The following LDAF1 variants were observed in gnomAD, a reference collection of about 807,000 sequenced individuals.
LDAF1 encodes the protein PROMETHIN.
A neutral mutation model predicts 13.5 loss-of-function variants in LDAF1; 7 were observed. That is an observed-to-expected ratio of 0.52 (90% confidence interval 0.29 to 0.97). The LOEUF is 0.97. LDAF1 is among the 50% of genes least tolerant of loss of function. The probability of loss-of-function intolerance (pLI) is 0.07; values close to 1 mark genes in which losing one functional copy is unlikely to be tolerated. For synonymous variants in LDAF1, 69 were observed against 77.1 expected (o/e 0.89, Z 0.55); for missense variants, 148 against 193.2 (o/e 0.77, Z 1.39).
intron 2 of LDAF1, among the ~76,000 whole-genome samples, chr16:21,163,543 G>T (rs2092996436): frequency 6.6e-6 from 1 of 152,164 alleles, no homozygotes. Context: ...CTCTTGGGAG[G>T]CTGAGGCACG....
chr16:21,168,878 TTTATA>T (rs1415299916), intron 2 of LDAF1, among the ~76,000 whole-genome samples: 1 of 135,620 alleles, frequency 7.4e-6, no homozygotes, highest in Non-Finnish European at 1.5e-5. Context: ...ATAATTATAA[TTTATA>T]TTATATATTT....
intron 2 of LDAF1, among the ~76,000 whole-genome samples, chr16:21,167,318 G>A (rs537806172): frequency 2.6e-4 from 40 of 152,382 alleles, no homozygotes; most frequent in African/African-American, 8.2e-4. Flanking sequence ...CTGCAAGGCC[G>A]TAGGGATGAG....
rs1555455876 is a variant in LDAF1, at chr16:21,172,468, A to AGAAAG, written c.266-1542_266-1541insGAAAG. ...TCTCAAAAAAAAGAAAAGAAAAGAA[A>AGAAAG]AAAGAAAGAAAGAAAGAAAAAAGTG... On this transcript the variant is annotated intron_variant, in intron 3 of 4. Transcript: ENST00000233047. Among the ~76,000 whole-genome samples, 6 of 152,028 alleles carry AGAAAG rather than the reference A, an allele frequency of 3.9e-5. No individual in the cohort carries two copies. In the South Asian group the frequency reaches 6.2e-4, roughly 16 times the overall value.
At chr16:21,165,577 C>G (rs2093016298) in intron 2 of LDAF1, 1 of 984,174 alleles carries the variant, frequency 1.0e-6, no homozygotes, top group Non-Finnish European at 1.2e-6. Flanking sequence ...TCTCTTCCCT[C>G]TCTGCCATCA....
chr16:21,163,675 C>T (rs568862908), intron 2 of LDAF1, among the ~76,000 whole-genome samples: 1 of 152,156 alleles, frequency 6.6e-6, no homozygotes, highest in African/African-American at 2.4e-5. Context: ...AAAAGCACTG[C>T]CAGTATTCAT....
chr16:21,172,176 A>G (rs1242552575), intron 3 of LDAF1, among the ~76,000 whole-genome samples: 3 of 150,784 alleles, frequency 2.0e-5, no homozygotes, highest in South Asian at 2.1e-4. Flanking sequence ...GGCCGGACAC[A>G]GTGGCTCATG....
chr16:21,173,250 A>G (rs2093106484), intron 3 of LDAF1: 1 of 152,230 alleles, frequency 6.6e-6, no homozygotes, highest in African/African-American at 2.4e-5. Flanking sequence ...CTTTATACCT[A>G]TAGCTTGTAG....
intron 2 of LDAF1, among the ~76,000 whole-genome samples, chr16:21,165,138 C>T (rs1198740748): frequency 6.6e-6 from 1 of 152,154 alleles, no homozygotes; most frequent in Non-Finnish European, 1.5e-5. Flanking sequence ...AAATGACTTT[C>T]TCTTTGATTA....
At position 21,180,227 on chromosome 16, in the gene LDAF1, C is replaced by CTTTTTTTTTTT. The variant is rs368048830; in HGVS notation, c.*683_*693dup. On this transcript the variant is annotated 3_prime_UTR_variant, in exon 5 of 5. Coordinates refer to ENST00000233047, the MANE Select transcript of LDAF1 (RefSeq NM_001301771.2). ...AGCTTGTCCTTTAAGTAATTTCTTT[C>CTTTTTTTTTTT]TTTTTTTTTTTTTTTTTTTTTTGTG... is the stretch of plus-strand genomic sequence containing the variant. 2.1e-5 allele frequency: 2 copies of CTTTTTTTTTTT among 93,456 alleles called. No individual in the cohort carries two copies. The highest frequency in any genetic ancestry group is 4.2e-5 in the African/African-American group (1 of 23,826). The allele number at this position is 93,456 out of a possible 1,614,324, so 5.8% of individuals were successfully genotyped here. A position where few individuals can be genotyped will look rare whatever the true frequency, so the allele number is the denominator to read the frequency against.
chr16:21,165,750 T>C (rs1169142056), intron 2 of LDAF1: 1 of 387,674 alleles, frequency 2.6e-6, no homozygotes, highest in African/African-American at 2.2e-5. Flanking sequence ...TTTTCCCAGA[T>C]GAAATTTAAA....
intron 2 of LDAF1, among the ~76,000 whole-genome samples, chr16:21,166,006 C>T (rs1379581235): frequency 6.6e-6 from 1 of 151,822 alleles, no homozygotes. Flanking sequence ...ATTACAGGCA[C>T]GCACCACTCT....
At chr16:21,163,060 A>T (rs2092991697) in intron 2 of LDAF1, among the ~76,000 whole-genome samples, 1 of 152,142 alleles carries the variant, frequency 6.6e-6, no homozygotes, top group South Asian at 2.1e-4. Context: ...CAGTACTATG[A>T]CTCATGTCTT....
chr16:21,168,399 C>T (rs2093046551), intron 2 of LDAF1, among the ~76,000 whole-genome samples: 1 of 151,802 alleles, frequency 6.6e-6, no homozygotes, highest in South Asian at 2.1e-4. Flanking sequence ...CTGAGCTTAG[C>T]TTTTAATAGA....
At chr16:21,174,389 G>T (rs911534214) in intron 4 of LDAF1, among the ~76,000 whole-genome samples, 5 of 151,964 alleles carry the variant, frequency 3.3e-5, no homozygotes, top group African/African-American at 9.7e-5. Context: ...TAGAGACAGG[G>T]TCTTGCTATG....
At chr16:21,163,678 G>A (rs2092997979) in intron 2 of LDAF1, among the ~76,000 whole-genome samples, 1 of 152,078 alleles carries the variant, frequency 6.6e-6, no homozygotes, top group East Asian at 1.9e-4. Flanking sequence ...AGCACTGCCA[G>A]TATTCATTTT....
rs113669902 is a variant in LDAF1 at position 21,160,987 on chromosome 16, C to T, written c.-98-98C>T. 103 of 1,342,784 alleles carry T rather than the reference C, an allele frequency of 7.7e-5. No individual in the cohort carries two copies. In the African/African-American group the frequency reaches 8.9e-4, roughly 12 times the overall value. The allele number at this position is 1,342,784 out of a possible 1,614,324, so 83.2% of individuals were successfully genotyped here. ...TTGTGAATATTGCCAGGTTACCCTC[C>T]GTCTGCATGCCCACCATCAAGGTAT... On this transcript the variant is annotated intron_variant, in intron 1 of 4. Coordinates refer to ENST00000233047, the MANE Select transcript of LDAF1 (RefSeq NM_001301771.2).
At chr16:21,170,672 A>G (rs1468100734) in intron 3 of LDAF1, 67 bp downstream of exon 3, 2 of 1,597,808 alleles carry the variant, frequency 1.3e-6, no homozygotes, top group Admixed American at 1.7e-5. Flanking sequence ...TTTTGGGGCC[A>G]TTTAAAAATT....
rs137892526 is a variant in LDAF1 at position 21,162,629 on chromosome 16, C to T, written c.96+1351C>T. 2.8e-4 allele frequency among the ~76,000 whole-genome samples: 42 copies of T among 152,194 alleles called. 1 individual carries two copies. In the South Asian group the frequency reaches 3.7e-3, roughly 14 times the overall value. On this transcript the variant is annotated intron_variant, in intron 2 of 4. Coordinates refer to ENST00000233047, the MANE Select transcript of LDAF1 (RefSeq NM_001301771.2). ...TATTGGATAGCACAGCGGGTCTACTCGAAGAGATGCTTGTTTGCAATCTAC... is the reference window on the plus strand; with the variant it reads ...TATTGGATAGCACAGCGGGTCTACTTGAAGAGATGCTTGTTTGCAATCTAC...
intron 2 of LDAF1, chr16:21,166,783 C>A (rs2093028005): frequency 6.9e-7 from 1 of 1,459,172 alleles, no homozygotes. Context: ...CGCAAGGGAC[C>A]AGCCCACATT....
Sources: allele counts gnomAD v4.1 joint callset (sites outside exome capture counted in the v4.1 genomes callset), GRCh38; gene constraint gnomAD v4.1.1; transcripts MANE v1.5; gene names NCBI Gene and HGNC (gene_info 2026-07-23, HGNC 2026-07-21).